The following CDH8 variants were observed in gnomAD, a reference collection of about 807,000 sequenced individuals.
The protein encoded by CDH8 is cadherin 8.
In CDH8, 17 loss-of-function variants were observed where a neutral mutation model predicts 68.1. The observed-to-expected ratio is 0.25, with a 90% CI of 0.17 to 0.37. The LOEUF is 0.37. Among genes scored for constraint, CDH8 ranks in the 10% least tolerant of loss-of-function variants. The pLI, the probability that CDH8 is intolerant of heterozygous loss-of-function variation, is 1.00. For synonymous variants in CDH8, 372 were observed against 365.1 expected, an observed-to-expected ratio of 1.02 and a Z score of -0.21; for missense variants, 763 against 999.3, an observed-to-expected ratio of 0.76 and a Z score of 3.19.
At chr16:61,761,731 A>C (rs1960475290) in intron 8 of CDH8, among the ~76,000 whole-genome samples, 1 of 152,104 alleles carries the variant, frequency 6.6e-6, no homozygotes, top group South Asian at 2.1e-4. Context: ...GGCCAGGTGC[A>C]GTGGCTCATG....
At chr16:61,953,914 T>TAC (rs1249372088) in intron 2 of CDH8, among the ~76,000 whole-genome samples, 1 of 141,208 alleles carries the variant, frequency 7.1e-6, no homozygotes, top group Non-Finnish European at 1.5e-5. Flanking sequence ...TATATATATA[T>TAC]ATATATATAT....
At chr16:61,836,026 C>T (rs943476716) in intron 4 of CDH8, among the ~76,000 whole-genome samples, 2 of 151,840 alleles carry the variant, frequency 1.3e-5, no homozygotes, top group Non-Finnish European at 2.9e-5. Context: ...TAAAATAGCA[C>T]CCGACATAAT....
At chr16:61,946,223 G>A (rs1375327273) in intron 2 of CDH8, among the ~76,000 whole-genome samples, 1 of 152,140 alleles carries the variant, frequency 6.6e-6, no homozygotes, top group East Asian at 1.9e-4. Context: ...AGACCACCAG[G>A]TGTCCTCTAG....
intron 8 of CDH8, among the ~76,000 whole-genome samples, chr16:61,727,426 G>C (rs1959407209): frequency 6.6e-6 from 1 of 151,038 alleles, no homozygotes. Context: ...AACACCATTT[G>C]CTGAGTTTAG....
chr16:61,994,878 A>T (rs900809039), intron 2 of CDH8, among the ~76,000 whole-genome samples: 8 of 152,206 alleles, frequency 5.3e-5, no homozygotes, highest in African/African-American at 1.9e-4. Context: ...AGAATCACTT[A>T]TCAGGAAAAA....
chr16:61,792,663 T>G (rs1361791134), intron 7 of CDH8, among the ~76,000 whole-genome samples: 2 of 152,018 alleles, frequency 1.3e-5, no homozygotes, highest in African/African-American at 4.8e-5. Flanking sequence ...GGAACCAGAA[T>G]GAATACTCGC....
Position 61,901,243 on chromosome 16 carries a change from A to G in CDH8, c.483T>C (p.Asn161=). ...SEFIIKVQDI[N]DNAPEFLNGP... is the part of the protein sequence containing the mutation. ...CATTAAGAAACTCTGGTGCATTGTC[A>G]TTGATGTCTTGAACTTTAATAATAA... Residue 161 remains asparagine, a synonymous_variant, in exon 3 of 12, where the codon AAT becomes AAC. Transcript: ENST00000577390. 1.9e-6 allele frequency: 3 copies of G among 1,614,044 alleles called. No individual in the cohort carries two copies. The highest frequency in any genetic ancestry group is 3.3e-4 in the Middle Eastern group (2 of 6,060).
intron 9 of CDH8, chr16:61,714,314 A>C (rs1040166138): frequency 1.6e-5 from 4 of 242,996 alleles, no homozygotes; most frequent in Non-Finnish European, 3.2e-5. Flanking sequence ...TGTTACAGTG[A>C]TTGTAGTGTG....
intron 4 of CDH8, among the ~76,000 whole-genome samples, chr16:61,851,116 A>G (rs1962929123): frequency 6.6e-6 from 1 of 152,104 alleles, no homozygotes; most frequent in Non-Finnish European, 1.5e-5. Flanking sequence ...CTGATTAAAA[A>G]GAGGCCCTGT....
intron 1 of CDH8, among the ~76,000 whole-genome samples, chr16:62,031,838 T>C (rs934155011): frequency 6.6e-6 from 1 of 152,104 alleles, no homozygotes; most frequent in African/African-American, 2.4e-5. Context: ...GCAACAGAGA[T>C]TTAGTTAGCG....
chr16:61,907,671 C>A (rs1218678115), intron 2 of CDH8, among the ~76,000 whole-genome samples: 1 of 148,436 alleles, frequency 6.7e-6, no homozygotes, highest in Non-Finnish European at 1.5e-5. Context: ...AGAGTGAGAC[C>A]CTGTTGCAAA....
At chr16:61,882,862 C>T (rs763692064) in intron 3 of CDH8, among the ~76,000 whole-genome samples, 21 of 152,186 alleles carry the variant, frequency 1.4e-4, no homozygotes, top group Non-Finnish European at 2.2e-4. Flanking sequence ...ACATCTTGCA[C>T]ATGTACCCCT....
intron 3 of CDH8, among the ~76,000 whole-genome samples, chr16:61,891,945 C>T (rs148317742): frequency 3.6e-4 from 55 of 152,250 alleles, no homozygotes; most frequent in African/African-American, 1.3e-3. Flanking sequence ...GAAAGAAAGA[C>T]ACAACCTATA....
At chr16:61,815,244 C>A (rs931684289) in intron 7 of CDH8, among the ~76,000 whole-genome samples, 1 of 152,114 alleles carries the variant, frequency 6.6e-6, no homozygotes, top group East Asian at 1.9e-4. Flanking sequence ...TCTAAACAGC[C>A]TCAAGCTTCC....
chr16:61,747,950 A>G (rs1012811154), intron 8 of CDH8, among the ~76,000 whole-genome samples: 2 of 152,054 alleles, frequency 1.3e-5, no homozygotes, highest in Non-Finnish European at 2.9e-5. Flanking sequence ...ATTTATTTTC[A>G]TATATTGTCA....
At chr16:61,981,706 CAGAAAGAGGAATG>C (rs1965534582) in intron 2 of CDH8, among the ~76,000 whole-genome samples, 1 of 150,474 alleles carries the variant, frequency 6.6e-6, no homozygotes, top group Non-Finnish European at 1.5e-5. Context: ...GCGCTTGGGG[CAGAAAGAGGAATG>C]AGAAAGGGAT....
Position 61,706,482 on chromosome 16 carries a change from G to T in CDH8, c.1654+7359C>A, listed in dbSNP as rs185584848. ...AATGCAAAAAAAAAATTAGCCGGGC[G>T]TGGTGGCGGGCGCCTGTAGTCCCGG... is the stretch of plus-strand genomic sequence containing the variant. On this transcript the variant is annotated intron_variant, in intron 10 of 11. Transcript: ENST00000577390. 2.2e-4 allele frequency among the ~76,000 whole-genome samples: 34 copies of T among 152,072 alleles called. No homozygotes were observed. The East Asian group carries it at 6.2e-3, about 28-fold the overall frequency.
At chr16:61,857,072 C>G in intron 4 of CDH8, 47 bp downstream of exon 4, 1 of 1,609,044 alleles carries the variant, frequency 6.2e-7, no homozygotes, top group Non-Finnish European at 8.5e-7. Flanking sequence ...AAGCATTTCC[C>G]TGAAGCAAAA....
chr16:61,669,635 G>A (rs1418944931), intron 10 of CDH8, among the ~76,000 whole-genome samples: 2 of 152,016 alleles, frequency 1.3e-5, no homozygotes, highest in Non-Finnish European at 2.9e-5. Context: ...GTCAGTTGAT[G>A]GTTTATCCTC....
Sources: gnomAD v4.1 joint callset for allele counts (sites outside exome capture counted in the v4.1 genomes callset) on GRCh38, gnomAD v4.1.1 for gene constraint, MANE v1.5 for transcripts, NCBI Gene and HGNC (gene_info 2026-07-23, HGNC 2026-07-21) for gene names.